TXNRD1: variants seen among roughly 807,000 people sequenced by gnomAD.
The protein encoded by TXNRD1 is thioredoxin reductase 1.
In TXNRD1, 57 loss-of-function variants were observed where a neutral mutation model predicts 80.3. That is an observed-to-expected ratio of 0.71 (90% CI 0.57 to 0.89). The LOEUF is 0.89. Ranked by LOEUF, TXNRD1 falls within the 40% of genes least tolerant of loss-of-function variation. The probability of loss-of-function intolerance (pLI) is 0.00; values close to 1 mark genes in which losing one functional copy is unlikely to be tolerated. For synonymous variants in TXNRD1, 291 were observed against 285.2 expected (o/e 1.02, Z -0.20); for missense variants, 730 against 803.0 (o/e 0.91, Z 1.10).
At chr12:104,297,557 A>G (rs780740514) in intron 4 of TXNRD1, among the ~76,000 whole-genome samples, 3 of 151,462 alleles carry the variant, frequency 2.0e-5, no homozygotes, top group African/African-American at 4.9e-5. Context: ...TAGAGACAAG[A>G]TTTCTCTATG....
At chr12:104,344,449 T>C (rs2036429466) in intron 16 of TXNRD1, among the ~76,000 whole-genome samples, 1 of 152,188 alleles carries the variant, frequency 6.6e-6, no homozygotes, top group South Asian at 2.1e-4. Context: ...TATGGACATT[T>C]TAAAAAATTA....
chr12:104,217,481 T>C (rs2135670375), intron 1 of TXNRD1, among the ~76,000 whole-genome samples: 1 of 152,174 alleles, frequency 6.6e-6, no homozygotes, highest in East Asian at 1.9e-4. Flanking sequence ...TGGCTAATTT[T>C]GTATTTTTAA....
intron 1 of TXNRD1, among the ~76,000 whole-genome samples, chr12:104,226,503 A>G (rs1357252817): frequency 6.6e-6 from 1 of 152,164 alleles, no homozygotes; most frequent in Non-Finnish European, 1.5e-5. Flanking sequence ...CTTTACAGAG[A>G]TCTCCTGTTA....
chr12:104,286,754 G>T (rs1480921409), intron 3 of TXNRD1: 1 of 1,023,300 alleles, frequency 9.8e-7, no homozygotes, highest in Non-Finnish European at 1.2e-6. Context: ...AATTTCTTCA[G>T]TAAAAACACA....
At chr12:104,250,421 A>G (rs1279392484) in intron 1 of TXNRD1, among the ~76,000 whole-genome samples, 2 of 152,256 alleles carry the variant, frequency 1.3e-5, no homozygotes, top group Non-Finnish European at 2.9e-5. Context: ...ATTTAAAACT[A>G]TATTTCAAAA....
intron 16 of TXNRD1, among the ~76,000 whole-genome samples, chr12:104,342,074 C>G (rs1327643537): frequency 6.6e-6 from 1 of 152,140 alleles, no homozygotes; most frequent in African/African-American, 2.4e-5. Flanking sequence ...ATTCACCAAC[C>G]TGGAAGTTCT....
At chr12:104,264,191 T>A (rs1258279506) in intron 3 of TXNRD1, among the ~76,000 whole-genome samples, 3 of 152,216 alleles carry the variant, frequency 2.0e-5, no homozygotes, top group African/African-American at 7.2e-5. Flanking sequence ...ACCTCATTCT[T>A]TAAGATCATT....
At chr12:104,243,331 A>G (rs1176472423) in intron 1 of TXNRD1, among the ~76,000 whole-genome samples, 1 of 152,080 alleles carries the variant, frequency 6.6e-6, no homozygotes, top group African/African-American at 2.4e-5. Flanking sequence ...CTCATATCCT[A>G]CAGACTTTCA....
chr12:104,235,438 G>A (rs561820779), intron 1 of TXNRD1, among the ~76,000 whole-genome samples: 109 of 152,194 alleles, frequency 7.2e-4, no homozygotes, highest in African/African-American at 2.4e-3. Context: ...TGAAAATAGA[G>A]GACAAGCAGA....
chr12:104,290,749 A>ATATATATATG (rs1565880670), intron 4 of TXNRD1, among the ~76,000 whole-genome samples: 1 of 117,024 alleles, frequency 8.5e-6, no homozygotes, highest in African/African-American at 3.4e-5. Context: ...ATATATATAT[A>ATATATATATG]TATATATATG....
chr12:104,304,103 GA>G, intron 4 of TXNRD1: 1 of 1,614,042 alleles, frequency 6.2e-7, no homozygotes. Flanking sequence ...GAACCGGGAG[GA>G]CATCGTGAGC....
At chr12:104,304,662 T>C (rs2034812180) in intron 4 of TXNRD1, 4 of 1,613,886 alleles carry the variant, frequency 2.5e-6, no homozygotes, top group African/African-American at 1.3e-5. Context: ...GTGTCCTATT[T>C]TGAGTTTGTG....
chr12:104,240,733 A>G (rs1336579220), intron 1 of TXNRD1, among the ~76,000 whole-genome samples: 1 of 145,224 alleles, frequency 6.9e-6, no homozygotes, highest in South Asian at 2.2e-4. Flanking sequence ...TTTGTCCAGA[A>G]AAGGTATCTT....
At chr12:104,303,253 GTAAT>G (rs1486134502) in intron 4 of TXNRD1, among the ~76,000 whole-genome samples, 1 of 152,184 alleles carries the variant, frequency 6.6e-6, no homozygotes, top group South Asian at 2.1e-4. Context: ...ACATGTGAAA[GTAAT>G]TAACCCGATT....
At chr12:104,269,399 C>CT (rs71069741) in intron 3 of TXNRD1, among the ~76,000 whole-genome samples, 2,582 of 120,432 alleles carry the variant, frequency 0.021, 61 homozygotes, top group African/African-American at 0.052. Context: ...GTGTTTCTTT[C>CT]TTTTTTTTTT....
chr12:104,252,001 T>C (rs1381782031), intron 2 of TXNRD1, among the ~76,000 whole-genome samples: 1 of 149,766 alleles, frequency 6.7e-6, no homozygotes, highest in Non-Finnish European at 1.5e-5. Flanking sequence ...GAGGCAGAGG[T>C]TGCAGTGAGC....
chr12:104,242,045 T>A (rs10861178), intron 1 of TXNRD1, among the ~76,000 whole-genome samples: 1 of 148,812 alleles, frequency 6.7e-6, no homozygotes, highest in Non-Finnish European at 1.5e-5. Flanking sequence ...TCAAGCAATT[T>A]CCCTGCCTCA....
intron 4 of TXNRD1, among the ~76,000 whole-genome samples, chr12:104,308,491 A>C (rs1473084841): frequency 6.6e-6 from 1 of 152,094 alleles, no homozygotes; most frequent in Non-Finnish European, 1.5e-5. Context: ...AAATACGTTA[A>C]CATTTAATAA....
At chr12:104,315,623 T>A (rs1343474936) in intron 6 of TXNRD1, among the ~76,000 whole-genome samples, 154 bp from the exon 7 acceptor site, 1 of 152,204 alleles carries the variant, frequency 6.6e-6, no homozygotes, top group Non-Finnish European at 1.5e-5. Context: ...AACTTATGGA[T>A]GTTGTAAGAG....
Sources: allele counts gnomAD v4.1 joint callset (sites outside exome capture counted in the v4.1 genomes callset), GRCh38; gene constraint gnomAD v4.1.1; transcripts MANE v1.5; gene names NCBI Gene and HGNC (gene_info 2026-07-23, HGNC 2026-07-21).